Variants in PPARGC1A observed in about 807,000 individuals in gnomAD.
PPARGC1A encodes PPARG coactivator 1 alpha.
A neutral mutation model predicts 88.7 loss-of-function variants in PPARGC1A; 25 were observed. The observed-to-expected ratio is 0.28, with a 90% CI of 0.21 to 0.39. The LOEUF (loss-of-function observed/expected upper bound fraction) is 0.39, where lower values mean the gene tolerates loss of function less well. Among genes scored for constraint, PPARGC1A ranks in the 10% least tolerant of loss-of-function variants. The pLI, the probability that PPARGC1A is intolerant of heterozygous loss-of-function variation, is 1.00. For missense variants in PPARGC1A, 880 were observed against 968.7 expected (o/e 0.91, Z 1.22); for synonymous variants, 363 against 355.6 (o/e 1.02, Z -0.24).
chr4:24,122,455 AGAGAG>A, the PPARGC1A span, among the ~76,000 whole-genome samples: 147 of 150,400 alleles, frequency 9.8e-4, no homozygotes, highest in East Asian at 0.025. Flanking sequence ...AGAGAGAGAG[AGAGAG>A]ATCTATATAA....
chr4:24,140,031 G>A, the PPARGC1A span, among the ~76,000 whole-genome samples: 1 of 152,168 alleles, frequency 6.6e-6, no homozygotes, highest in Non-Finnish European at 1.5e-5. Context: ...GTCTCTCCAG[G>A]TACCATGCCC....
the PPARGC1A span, among the ~76,000 whole-genome samples, chr4:24,452,819 A>G: frequency 2.0e-5 from 3 of 152,202 alleles, no homozygotes; most frequent in Non-Finnish European, 4.4e-5. Context: ...ATCCCCAACA[A>G]AGGGCCTGGG....
chr4:24,419,352 AGTGTGTGT>A, the PPARGC1A span, among the ~76,000 whole-genome samples: 12 of 138,924 alleles, frequency 8.6e-5, no homozygotes, highest in South Asian at 2.5e-4. Flanking sequence ...CAAATCTTCA[AGTGTGTGT>A]GTGTGTGTGT....
At chr4:23,971,155 C>T in the PPARGC1A span, among the ~76,000 whole-genome samples, 1,827 of 152,196 alleles carry the variant, frequency 0.012, 32 homozygotes, top group African/African-American at 0.041. Context: ...TATGTATATA[C>T]ATATATTAAG....
the PPARGC1A span, among the ~76,000 whole-genome samples, chr4:24,454,250 C>T: frequency 6.6e-6 from 1 of 151,306 alleles, no homozygotes. Context: ...AGCCCATATT[C>T]CTGACCCATA....
At chr4:24,177,107 C>T in the PPARGC1A span, among the ~76,000 whole-genome samples, 4 of 152,046 alleles carry the variant, frequency 2.6e-5, no homozygotes, top group African/African-American at 7.2e-5. Flanking sequence ...CCCAGCAATC[C>T]CATTACTGGG....
the PPARGC1A span, among the ~76,000 whole-genome samples, chr4:24,238,205 A>T: frequency 1.3e-5 from 2 of 152,118 alleles, no homozygotes; most frequent in Non-Finnish European, 2.9e-5. Flanking sequence ...ATCTCTAACC[A>T]CTACACACAG....
the PPARGC1A span, among the ~76,000 whole-genome samples, chr4:24,425,044 T>A: frequency 2.6e-5 from 4 of 152,244 alleles, no homozygotes; most frequent in Non-Finnish European, 5.9e-5. Context: ...ACAGTATCAC[T>A]TACCAATTAA....
At chr4:24,424,293 TG>T in the PPARGC1A span, among the ~76,000 whole-genome samples, 1 of 115,470 alleles carries the variant, frequency 8.7e-6, no homozygotes. Context: ...TTTTTTTTTT[TG>T]AGACAGAGTC....
chr4:24,334,406 A>G, the PPARGC1A span, among the ~76,000 whole-genome samples: 1 of 152,342 alleles, frequency 6.6e-6, no homozygotes, highest in African/African-American at 2.4e-5. Context: ...TTCTTCATCT[A>G]CTGAAAAAAT....
the PPARGC1A span, among the ~76,000 whole-genome samples, chr4:23,997,550 T>C: frequency 7.5e-6 from 1 of 132,562 alleles, no homozygotes; most frequent in Non-Finnish European, 1.5e-5. Flanking sequence ...TCACCCACGC[T>C]AGAGGGCAGT....
the PPARGC1A span, among the ~76,000 whole-genome samples, chr4:24,252,901 T>C: frequency 6.6e-6 from 1 of 152,226 alleles, no homozygotes. Context: ...TGTAGTTCTT[T>C]CTATTTGAGG....
chr4:23,821,896 A>G (rs2970853), intron 7 of PPARGC1A, among the ~76,000 whole-genome samples: 112,744 of 151,828 alleles, frequency 0.74, 42,008 homozygotes, highest in Admixed American at 0.81. Context: ...AAGCTATGCC[A>G]TCTGCTCTTT....
the PPARGC1A span, among the ~76,000 whole-genome samples, chr4:24,126,267 C>CCACAAA: frequency 6.8e-6 from 1 of 146,444 alleles, no homozygotes; most frequent in African/African-American, 2.5e-5. Flanking sequence ...TGGCTTCTCA[C>CCACAAA]CACACACACA....
chr4:24,214,857 G>A, the PPARGC1A span, among the ~76,000 whole-genome samples: 3 of 152,158 alleles, frequency 2.0e-5, no homozygotes, highest in Non-Finnish European at 4.4e-5. Context: ...ACCAAAAGGA[G>A]AAAAAGGCAA....
chr4:24,395,177 A>AT, the PPARGC1A span, among the ~76,000 whole-genome samples: 749 of 152,280 alleles, frequency 4.9e-3, 14 homozygotes, highest in African/African-American at 0.017. Flanking sequence ...CAATATGTAA[A>AT]AACCCTCCCA....
chr4:24,328,477 T>G, the PPARGC1A span, among the ~76,000 whole-genome samples: 4 of 152,142 alleles, frequency 2.6e-5, no homozygotes, highest in Non-Finnish European at 4.4e-5. Context: ...CAAAGACATG[T>G]TCCACATTTT....
At chr4:24,218,666 A>C in the PPARGC1A span, among the ~76,000 whole-genome samples, 1 of 152,232 alleles carries the variant, frequency 6.6e-6, no homozygotes, top group Non-Finnish European at 1.5e-5. Flanking sequence ...TCTTTTCTAG[A>C]ATGTTCCCAG....
the PPARGC1A span, among the ~76,000 whole-genome samples, chr4:24,342,480 C>A: frequency 6.6e-6 from 1 of 151,718 alleles, no homozygotes; most frequent in African/African-American, 2.4e-5. Flanking sequence ...TTACACTAAC[C>A]AGCCTCCCAC....
Sources: allele counts gnomAD v4.1 joint callset (sites outside exome capture counted in the v4.1 genomes callset), GRCh38; gene constraint gnomAD v4.1.1; transcripts MANE v1.5; gene names NCBI Gene and HGNC (gene_info 2026-07-23, HGNC 2026-07-21).